LOXL2: variants seen among roughly 807,000 people sequenced by gnomAD.
LOXL2 encodes lysyl oxidase homolog 2.
Under a neutral mutation model 93.0 loss-of-function variants are expected in LOXL2, and 70 were observed. The ratio of observed to expected loss-of-function variants is 0.75; its 90% confidence interval spans 0.62 to 0.92. LOXL2 has a LOEUF of 0.92. LOXL2 is among the 40% of genes least tolerant of loss of function. The pLI, the probability that LOXL2 is intolerant of heterozygous loss-of-function variation, is 0.00. For synonymous variants in LOXL2, 438 were observed against 413.2 expected (o/e 1.06, Z -0.73); for missense variants, 973 against 1,054.9 (o/e 0.92, Z 1.08).
Position 23,340,584 on chromosome 8 carries a change from G to A in LOXL2, c.743+408C>T, listed in dbSNP as rs544556535. On this transcript the variant is annotated intron_variant, in intron 4 of 13. Transcript: ENST00000389131. The stretch of plus-strand genomic sequence containing the variant: ...CAGAAGAATCATTTGCCAAGAGCAA[G>A]TAAATATTTCTTCTTAAGTTGGTGT... 6.6e-5 allele frequency among the ~76,000 whole-genome samples: 10 copies of A among 152,334 alleles called. No individual in the cohort carries two copies. In the East Asian group the frequency reaches 1.3e-3, roughly 21 times the overall value.
intron 1 of LOXL2, among the ~76,000 whole-genome samples, chr8:23,381,795 G>A (rs1179961670): frequency 2.6e-5 from 4 of 152,226 alleles, no homozygotes; most frequent in African/African-American, 4.8e-5. Flanking sequence ...GCGAGGCCAT[G>A]CCAGGCTCCA....
intron 3 of LOXL2, among the ~76,000 whole-genome samples, chr8:23,359,831 G>A (rs553488356): frequency 6.6e-5 from 10 of 152,090 alleles, no homozygotes; most frequent in Non-Finnish European, 1.0e-4. Context: ...CTGAGATCAC[G>A]CTCTGCTTAC....
intron 2 of LOXL2, chr8:23,363,428 CA>C (rs1804336047): frequency 6.6e-6 from 1 of 152,174 alleles, no homozygotes; most frequent in South Asian, 2.1e-4. Flanking sequence ...TCCAAGCAGT[CA>C]AGCTCCACTG....
Position 23,297,099 on chromosome 8 carries a change from A to C in LOXL2, c.*944T>G, listed in dbSNP as rs1407405164. ...CCGGAGAAAACCACGAATGTACCTG[A>C]AGCTCTGCTTCTGGCCACTGAACAT... is the stretch of plus-strand genomic sequence containing the variant. On this transcript the variant is annotated 3_prime_UTR_variant, in exon 14 of 14. Transcript: ENST00000389131. The C allele has an allele frequency of 6.6e-6, 1 of 152,138 alleles. No homozygotes were observed. The highest frequency in any genetic ancestry group is 1.9e-4 in the East Asian group (1 of 5,204). The allele number at this position is 152,138 out of a possible 1,614,324, so 9.4% of individuals were successfully genotyped here. A position where few individuals can be genotyped will look rare whatever the true frequency, so the allele number is the denominator to read the frequency against.
intron 9 of LOXL2, among the ~76,000 whole-genome samples, 188 bp from the exon 10 acceptor site, chr8:23,310,099 C>T (rs1321821857): frequency 6.6e-6 from 1 of 152,212 alleles, no homozygotes; most frequent in Non-Finnish European, 1.5e-5. Flanking sequence ...GCTGTGAGTC[C>T]TCTTTGACAA....
intron 2 of LOXL2, among the ~76,000 whole-genome samples, chr8:23,361,504 C>G (rs1355939783): frequency 6.6e-6 from 1 of 152,014 alleles, no homozygotes; most frequent in African/African-American, 2.4e-5. Flanking sequence ...AGAGGGTGAA[C>G]CACAGTGAAA....
chr8:23,305,710 C>T (rs1464192842), intron 10 of LOXL2, among the ~76,000 whole-genome samples: 1 of 152,110 alleles, frequency 6.6e-6, no homozygotes, highest in Admixed American at 6.5e-5. Flanking sequence ...AAATCCAGAA[C>T]GCTAAGGGGA....
At chr8:23,337,620 T>C (rs1196997089) in intron 4 of LOXL2, among the ~76,000 whole-genome samples, 1 of 152,202 alleles carries the variant, frequency 6.6e-6, no homozygotes, top group Non-Finnish European at 1.5e-5. Context: ...TCTAACTTCC[T>C]CAGCTGCAAC....
intron 9 of LOXL2, among the ~76,000 whole-genome samples, chr8:23,314,598 A>T (rs1390342828): frequency 5.5e-4 from 83 of 150,884 alleles, no homozygotes; most frequent in African/African-American, 1.9e-3. Flanking sequence ...AACAATGAGA[A>T]CACACGGACA....
intron 1 of LOXL2, among the ~76,000 whole-genome samples, chr8:23,376,266 G>C (rs561595630): frequency 4.6e-5 from 7 of 152,062 alleles, no homozygotes; most frequent in African/African-American, 1.7e-4. Flanking sequence ...TGTTGAACCA[G>C]CCTTGCATCC....
At chr8:23,309,982 G>A in intron 9 of LOXL2, 71 bp from the exon 10 acceptor site, 1 of 1,397,654 alleles carries the variant, frequency 7.2e-7, no homozygotes, top group South Asian at 1.8e-5. Flanking sequence ...TGATTCTTGA[G>A]CTGGGACAAA....
intron 1 of LOXL2, among the ~76,000 whole-genome samples, chr8:23,402,100 A>G (rs1457595208): frequency 6.6e-6 from 1 of 151,944 alleles, no homozygotes; most frequent in African/African-American, 2.4e-5. Context: ...AAACATGCAC[A>G]CAAACACAAA....
intron 1 of LOXL2, among the ~76,000 whole-genome samples, chr8:23,398,892 G>A (rs544193051): frequency 3.3e-5 from 5 of 152,152 alleles, no homozygotes; most frequent in East Asian, 3.9e-4. Flanking sequence ...CGTCCCTGAC[G>A]CTGGTCACGG....
intron 1 of LOXL2, among the ~76,000 whole-genome samples, chr8:23,379,727 A>AC (rs1301653215): frequency 4.0e-5 from 6 of 151,488 alleles, no homozygotes; most frequent in Non-Finnish European, 5.9e-5. Flanking sequence ...TGGGCGTGGG[A>AC]CCCCCCGAGC....
chr8:23,309,916 G>A lies in LOXL2; in HGVS notation c.1637-5C>T, dbSNP rs772335076. ...TGAGGACCAGGTCAGGGGCGGCTGC[G>A]GAGGATGGCATGCTGGTCAACAAGG... On this transcript the variant is annotated splice_region_variant and splice_polypyrimidine_tract_variant and intron_variant, in intron 9 of 13. Coordinates refer to ENST00000389131, the MANE Select transcript of LOXL2 (RefSeq NM_002318.3). 1.3e-5 allele frequency: 19 copies of A among 1,466,462 alleles called. No homozygotes were observed. Among genetic ancestry groups the A allele is most frequent in the African/African-American group, 5.7e-5 (4 of 69,706 alleles). The allele number at this position is 1,466,462 out of a possible 1,614,324, so 90.8% of individuals were successfully genotyped here. A position where few individuals can be genotyped will look rare whatever the true frequency, so the allele number is the denominator to read the frequency against.
intron 10 of LOXL2, among the ~76,000 whole-genome samples, chr8:23,307,617 G>A (rs112874731): frequency 3.9e-5 from 6 of 152,292 alleles, no homozygotes; most frequent in African/African-American, 1.4e-4. Context: ...TGGGTGGGCT[G>A]CCATATGCAG....
chr8:23,297,792 C>T lies in LOXL2; in HGVS notation c.*251G>A. 6 of 451,468 alleles carry T rather than the reference C, an allele frequency of 1.3e-5. No homozygotes were observed. The highest frequency in any genetic ancestry group is 2.4e-5 in the Non-Finnish European group (6 of 250,154). 28.0% of individuals were successfully genotyped at this position (451,468 alleles called of 1,614,324 possible). Reference sequence around the variant, plus strand: ...CGGTCAAGACTGGCTCTTGGTGCTGCTCCAGCAGCTCTGTGGACAAACCCC... The same window carrying T: ...CGGTCAAGACTGGCTCTTGGTGCTGTTCCAGCAGCTCTGTGGACAAACCCC... On this transcript the variant is annotated 3_prime_UTR_variant, in exon 14 of 14. Transcript: ENST00000389131.
At position 23,320,020 on chromosome 8, in the gene LOXL2, C is replaced by G; in HGVS notation, c.1335G>C (p.Glu445Asp). 6.2e-7 allele frequency: 1 copy of G among 1,614,082 alleles called. No homozygotes were observed. Among genetic ancestry groups the G allele is most frequent in the Non-Finnish European group, 8.5e-7 (1 of 1,179,958 alleles). The change falls in exon 8 of 14, where the codon GAG (glutamate) becomes GAC (aspartate). Residue 445 changes from glutamate (E) to aspartate (D), a missense_variant. Transcript: ENST00000389131. ...LRLNGGRNPY[E>D]GRVEVLVERN... is the part of the protein sequence containing the mutation. ...TCTCCACCAGCACCTCCACTCGGCC[C>G]TCGTAGGGATTGCGGCCGCCGTTCA...
chr8:23,296,941 C>G lies in LOXL2; in HGVS notation c.*1102G>C, dbSNP rs1244778262. ...CAGGAGTTCAAGAAAGATTATGACT[C>G]CTGTTCCGTTACTTTTTGTGATCTC... is the stretch of plus-strand genomic sequence containing the variant. On this transcript the variant is annotated 3_prime_UTR_variant, in exon 14 of 14. Coordinates refer to ENST00000389131, the MANE Select transcript of LOXL2 (RefSeq NM_002318.3). 2.6e-5 allele frequency among the ~76,000 whole-genome samples: 4 copies of G among 152,238 alleles called. No individual in the cohort carries two copies. The highest frequency in any genetic ancestry group is 2.6e-4 in the Admixed American group (4 of 15,286).
Sources: gnomAD v4.1 joint callset for allele counts (sites outside exome capture counted in the v4.1 genomes callset) on GRCh38, gnomAD v4.1.1 for gene constraint, MANE v1.5 for transcripts, NCBI Gene and HGNC (gene_info 2026-07-23, HGNC 2026-07-21) for gene names.